Variants in SOBP observed in about 807,000 individuals in gnomAD.
SOBP encodes sine oculis-binding protein homolog.
In SOBP, 4 loss-of-function variants were observed where a neutral mutation model predicts 53.6. The observed-to-expected ratio is 0.07, with a 90% confidence interval of 0.04 to 0.17. SOBP has a LOEUF of 0.17. Ranked by LOEUF, SOBP falls within the 10% of genes least tolerant of loss-of-function variation. SOBP has a pLI of 1.00. For missense variants in SOBP, 1,088 were observed against 1,204.7 expected, an observed-to-expected ratio of 0.90 and a Z score of 1.43; for synonymous variants, 584 against 522.6, an observed-to-expected ratio of 1.12 and a Z score of -1.60.
rs1015264788 is a variant in SOBP at position 107,534,295 on chromosome 6, A to C, written c.573+685A>C. Among the ~76,000 whole-genome samples the C allele has an allele frequency of 3.3e-5, 5 of 152,310 alleles. No individual in the cohort carries two copies. The East Asian group carries it at 5.8e-4, about 18-fold the overall frequency. Reference sequence around the variant, plus strand: ...TCCTTTTTGAATAGTGTTAGCCACCATGGATGGGAAATGGAATGCATGATG... The same window carrying C: ...TCCTTTTTGAATAGTGTTAGCCACCCTGGATGGGAAATGGAATGCATGATG... On this transcript the variant is annotated intron_variant, in intron 4 of 6. Coordinates refer to ENST00000317357, the MANE Select transcript of SOBP (RefSeq NM_018013.4).
At chr6:107,509,160 T>G (rs1268798336) in intron 3 of SOBP, among the ~76,000 whole-genome samples, 3 of 152,144 alleles carry the variant, frequency 2.0e-5, no homozygotes, top group Admixed American at 6.5e-5. Context: ...TTTGGGAGGC[T>G]GAGGCGGGCG....
intron 3 of SOBP, among the ~76,000 whole-genome samples, chr6:107,513,116 A>G (rs1318646383): frequency 6.6e-6 from 1 of 152,244 alleles, no homozygotes; most frequent in Non-Finnish European, 1.5e-5. Flanking sequence ...CATACGGCAC[A>G]GACAGGTTTG....
intron 6 of SOBP, among the ~76,000 whole-genome samples, chr6:107,644,193 A>G (rs554762446): frequency 3.3e-5 from 5 of 152,346 alleles, no homozygotes; most frequent in African/African-American, 1.2e-4. Flanking sequence ...AGTCCCAGCT[A>G]CTTGGGAGGC....
intron 5 of SOBP, among the ~76,000 whole-genome samples, chr6:107,616,073 A>G (rs1583275849): frequency 5.6e-5 from 1 of 17,760 alleles, no homozygotes. Context: ...CTACTCATTG[A>G]GGAAGGGGGG....
intron 4 of SOBP, 53 bp downstream of exon 4, chr6:107,533,663 G>A (rs1237312171): frequency 1.1e-5 from 18 of 1,608,746 alleles, no homozygotes; most frequent in East Asian, 6.7e-5. Flanking sequence ...CAGCCCACAC[G>A]CGCATGTGCC....
intron 5 of SOBP, among the ~76,000 whole-genome samples, chr6:107,632,508 C>T (rs1770761208): frequency 6.6e-6 from 1 of 152,174 alleles, no homozygotes; most frequent in Non-Finnish European, 1.5e-5. Context: ...TTTGTGCAAA[C>T]AAGAGTCATA....
At chr6:107,495,271 C>T (rs1782670491) in intron 1 of SOBP, among the ~76,000 whole-genome samples, 1 of 152,174 alleles carries the variant, frequency 6.6e-6, no homozygotes, top group Admixed American at 6.5e-5. Context: ...GAGCCTTCAG[C>T]CTTGCTCTCA....
chr6:107,504,926 A>C (rs1250304373), intron 2 of SOBP, among the ~76,000 whole-genome samples: 1 of 152,214 alleles, frequency 6.6e-6, no homozygotes, highest in African/African-American at 2.4e-5. Context: ...CTAGGTAATA[A>C]TCTTTGCTTC....
chr6:107,633,218 G>GTA (rs1562114087), intron 5 of SOBP, among the ~76,000 whole-genome samples: 1 of 152,124 alleles, frequency 6.6e-6, no homozygotes, highest in Non-Finnish European at 1.5e-5. Flanking sequence ...CATTGGACAG[G>GTA]TATATATATT....
At position 107,661,017 on chromosome 6, in the gene SOBP, G is replaced by A. The variant is rs76131788; in HGVS notation, c.*2814G>A. Among the ~76,000 whole-genome samples, 1,197 of 152,292 alleles carry A rather than the reference G, an allele frequency of 7.9e-3. 12 individuals carry two copies. Among genetic ancestry groups the A allele is most frequent in the East Asian group, 0.042 (216 of 5,174 alleles). ...CCCAGCCAAGGACGTGCCAGCGGCCGAGGCACCCGGCTGTGGTTGTCCTGA... is the reference window on the plus strand; with the variant it reads ...CCCAGCCAAGGACGTGCCAGCGGCCAAGGCACCCGGCTGTGGTTGTCCTGA... On this transcript the variant is annotated 3_prime_UTR_variant, in exon 7 of 7. Coordinates refer to ENST00000317357, the MANE Select transcript of SOBP (RefSeq NM_018013.4).
chr6:107,595,807 G>A (rs4421232), intron 5 of SOBP, among the ~76,000 whole-genome samples: 3,799 of 152,032 alleles, frequency 0.025, 149 homozygotes, highest in African/African-American at 0.087. Flanking sequence ...TAATAAGAGA[G>A]GCAAGAAATT....
At chr6:107,610,825 TACAC>T (rs1786569229) in intron 5 of SOBP, among the ~76,000 whole-genome samples, 7 of 143,696 alleles carry the variant, frequency 4.9e-5, no homozygotes, top group African/African-American at 1.3e-4. Flanking sequence ...CACACACACA[TACAC>T]ACACCATGGA....
chr6:107,602,565 C>T (rs766073167), intron 5 of SOBP, among the ~76,000 whole-genome samples: 7 of 54,004 alleles, frequency 1.3e-4, no homozygotes, highest in Non-Finnish European at 1.7e-4. Flanking sequence ...AACTAAGCCG[C>T]GTTAAAAAAA....
At chr6:107,495,430 G>A (rs1027523508) in intron 1 of SOBP, among the ~76,000 whole-genome samples, 1 of 152,176 alleles carries the variant, frequency 6.6e-6, no homozygotes, top group Non-Finnish European at 1.5e-5. Flanking sequence ...ACGGTAGAGC[G>A]TCATTCTCTA....
At chr6:107,581,587 G>A (rs1785403960) in intron 4 of SOBP, among the ~76,000 whole-genome samples, 1 of 152,192 alleles carries the variant, frequency 6.6e-6, no homozygotes, top group Non-Finnish European at 1.5e-5. Context: ...GACATTCACA[G>A]CATACTGAAA....
chr6:107,506,521 G>A (rs1782998130), intron 3 of SOBP, 94 bp downstream of exon 3: 2 of 1,426,596 alleles, frequency 1.4e-6, no homozygotes, highest in East Asian at 2.3e-5. Context: ...GTTAACTTTG[G>A]TAGAGGCTGT....
intron 5 of SOBP, among the ~76,000 whole-genome samples, chr6:107,630,346 A>T (rs1352146423): frequency 6.6e-6 from 1 of 152,246 alleles, no homozygotes; most frequent in African/African-American, 2.4e-5. Flanking sequence ...ACCAGAGTTT[A>T]TGAGACACAC....
chr6:107,526,239 A>G (rs1783659144), intron 3 of SOBP, among the ~76,000 whole-genome samples: 1 of 152,184 alleles, frequency 6.6e-6, no homozygotes. Flanking sequence ...GGTGTGAGCC[A>G]CAGTGCCCAG....
intron 4 of SOBP, among the ~76,000 whole-genome samples, chr6:107,572,135 T>A (rs887819358): frequency 6.6e-6 from 1 of 152,138 alleles, no homozygotes; most frequent in African/African-American, 2.4e-5. Flanking sequence ...TAAGAGATGA[T>A]GTTTCAGAAA....
Sources: gnomAD v4.1 joint callset for allele counts (sites outside exome capture counted in the v4.1 genomes callset) on GRCh38, gnomAD v4.1.1 for gene constraint, MANE v1.5 for transcripts, NCBI Gene and HGNC (gene_info 2026-07-23, HGNC 2026-07-21) for gene names.